THAP2: variants seen among roughly 807,000 people sequenced by gnomAD.
THAP2 encodes THAP domain-containing protein 2.
THAP2 carries 16 observed loss-of-function variants against 18.8 expected under a neutral mutation model. The ratio of observed to expected loss-of-function variants is 0.85; its 90% CI spans 0.58 to 1.29. The LOEUF is 1.29. Among genes scored for constraint, THAP2 ranks in the 50% most tolerant of loss-of-function variants. The pLI, the probability that THAP2 is intolerant of heterozygous loss-of-function variation, is 0.00. For synonymous variants in THAP2, 80 were observed against 89.2 expected, an observed-to-expected ratio of 0.90 and a Z score of 0.58; for missense variants, 251 against 265.3, an observed-to-expected ratio of 0.95 and a Z score of 0.38.
chr12:71,670,597 CTG>C (rs1881420247), intron 1 of THAP2, among the ~76,000 whole-genome samples: 1 of 152,068 alleles, frequency 6.6e-6, no homozygotes, highest in African/African-American at 2.4e-5. Context: ...TATATGTGTT[CTG>C]TACAGTATTC....
At chr12:71,674,741 A>T (rs1881495894) in intron 2 of THAP2, among the ~76,000 whole-genome samples, 1 of 152,164 alleles carries the variant, frequency 6.6e-6, no homozygotes, top group Non-Finnish European at 1.5e-5. Flanking sequence ...TGTGCAAAGT[A>T]CTTTAAGAGC....
At position 71,674,414 on chromosome 12, in the gene THAP2, C is replaced by T; in HGVS notation, c.267+16C>T. 1 of 1,554,972 alleles carries T rather than the reference C, an allele frequency of 6.4e-7. No homozygotes were observed. Among genetic ancestry groups the T allele is most frequent in the Non-Finnish European group, 8.7e-7 (1 of 1,145,360 alleles). ...AAAGTCTATGGTAGGTAATGTTACT[C>T]TCCTTTTGTTAAAACCATTTTTAGA... On this transcript the variant is annotated intron_variant, in intron 2 of 2. Coordinates refer to ENST00000308086, the MANE Select transcript of THAP2 (RefSeq NM_031435.4).
intron 1 of THAP2, among the ~76,000 whole-genome samples, chr12:71,669,356 A>C (rs1340128925): frequency 1.3e-5 from 2 of 152,232 alleles, no homozygotes; most frequent in Non-Finnish European, 2.9e-5. Flanking sequence ...GATTTGATTC[A>C]AGGCATTGAT....
chr12:71,680,017 T>C lies in THAP2; in HGVS notation c.*2909T>C, dbSNP rs999921168. ...ATCCAGCACTGGAGTTCATTTGAAA[T>C]TTGATATTTTGTGTAAAATAACAAA... is the stretch of plus-strand genomic sequence containing the variant. On this transcript the variant is annotated 3_prime_UTR_variant, in exon 3 of 3. Coordinates refer to ENST00000308086, the MANE Select transcript of THAP2 (RefSeq NM_031435.4). 2.0e-5 allele frequency: 3 copies of C among 152,222 alleles called. No individual in the cohort carries two copies. The highest frequency in any genetic ancestry group is 4.8e-5 in the African/African-American group (2 of 41,462). The allele number at this position is 152,222 out of a possible 1,614,324, so 9.4% of individuals were successfully genotyped here.
chr12:71,668,486 A>T (rs1881380493), intron 1 of THAP2, among the ~76,000 whole-genome samples: 1 of 152,198 alleles, frequency 6.6e-6, no homozygotes, highest in South Asian at 2.1e-4. Flanking sequence ...AGACCTAAAA[A>T]GGTTAACTTG....
At chr12:71,672,358 A>T (rs968787911) in intron 1 of THAP2, among the ~76,000 whole-genome samples, 2 of 152,216 alleles carry the variant, frequency 1.3e-5, no homozygotes, top group Non-Finnish European at 2.9e-5. Flanking sequence ...CTCTGATGGC[A>T]TTAAATTTGC....
In THAP2 at chr12:71,677,087, GACCAAGAGT is replaced by G. The variant is rs983255358; in HGVS notation, c.670_678del (p.Lys224_Thr226del). The G allele has an allele frequency of 1.8e-5, 29 of 1,591,754 alleles. No homozygotes were observed. The highest frequency in any genetic ancestry group is 2.3e-5 in the Non-Finnish European group (27 of 1,168,242). On this transcript the variant is annotated inframe_deletion, in exon 3 of 3. Coordinates refer to ENST00000308086, the MANE Select transcript of THAP2 (RefSeq NM_031435.4). ...CACTGCTAAGTCTAAATCTAAAACA[GACCAAGAGT>G]ACCTTCATTTAAATTTAGCTTGCAC...
At chr12:71,671,684 G>A (rs374475045) in intron 1 of THAP2, among the ~76,000 whole-genome samples, 1 of 152,174 alleles carries the variant, frequency 6.6e-6, no homozygotes, top group East Asian at 1.9e-4. Flanking sequence ...ATACTTTCAT[G>A]ATGTTTTCTA....
At chr12:71,676,403 T>A (rs1406400400) in intron 2 of THAP2, among the ~76,000 whole-genome samples, 1 of 152,084 alleles carries the variant, frequency 6.6e-6, no homozygotes, top group African/African-American at 2.4e-5. Context: ...TATAGAGTCA[T>A]AGTCAATAAT....
chr12:71,674,446 T>C, intron 2 of THAP2, 48 bp downstream of exon 2: 1 of 1,511,044 alleles, frequency 6.6e-7, no homozygotes, highest in Non-Finnish European at 8.9e-7. Flanking sequence ...TAGAACTCAT[T>C]CCTTTTTGTT....
intron 2 of THAP2, among the ~76,000 whole-genome samples, chr12:71,675,269 C>T (rs1033090142): frequency 5.3e-5 from 8 of 151,942 alleles, no homozygotes; most frequent in East Asian, 1.9e-4. Context: ...TGAATGGAGA[C>T]GAGGTTGTGG....
In THAP2 at chr12:71,677,342, G is replaced by C; in HGVS notation, c.*234G>C. 3.1e-6 allele frequency: 1 copy of C among 325,660 alleles called. No homozygotes were observed. Among genetic ancestry groups the C allele is most frequent in the Non-Finnish European group, 5.5e-6 (1 of 183,076 alleles). The allele number at this position is 325,660 out of a possible 1,614,324, so 20.2% of individuals were successfully genotyped here. A position where few individuals can be genotyped will look rare whatever the true frequency, so the allele number is the denominator to read the frequency against. On this transcript the variant is annotated 3_prime_UTR_variant, in exon 3 of 3. Transcript: ENST00000308086. ...GACTTAAAAATTTTGCTAATAAATT[G>C]TGTGTTTGAAAGGTGTTTTTTGTTT...
intron 2 of THAP2, 21 bp downstream of exon 2, chr12:71,674,419 T>C: frequency 6.4e-7 from 1 of 1,550,918 alleles, no homozygotes; most frequent in South Asian, 1.2e-5. Context: ...TTACTCTCCT[T>C]TTGTTAAAAC....
rs763097621 is a variant in THAP2 at position 71,676,931 on chromosome 12, G to C, written c.510G>C (p.Thr170=). The change falls in exon 3 of 3, where the codon ACG becomes ACC. Residue 170 remains threonine (T), a synonymous_variant. Transcript: ENST00000308086. ...CAACTCGAAGATGGATCAAAGCCAC[G>C]TGTTTGGTAAAGAATTTAGAAGCAA... ...RRATRRWIKA[T]CLVKNLEANS... 1 of 1,613,786 alleles carries C rather than the reference G, an allele frequency of 6.2e-7. No homozygotes were observed. The highest frequency in any genetic ancestry group is 1.3e-5 in the African/African-American group (1 of 75,038).
intron 1 of THAP2, among the ~76,000 whole-genome samples, chr12:71,670,528 A>C (rs980892197): frequency 6.6e-6 from 1 of 152,212 alleles, no homozygotes; most frequent in South Asian, 2.1e-4. Context: ...TTGATTCCCC[A>C]AAAATTCAAC....
chr12:71,669,300 A>G (rs1173277996), intron 1 of THAP2, among the ~76,000 whole-genome samples: 2 of 152,240 alleles, frequency 1.3e-5, no homozygotes, highest in African/African-American at 4.8e-5. Context: ...CTTCCTTAAT[A>G]AGATAGGATT....
intron 1 of THAP2, among the ~76,000 whole-genome samples, chr12:71,666,722 T>C (rs1266660485): frequency 6.6e-6 from 1 of 152,120 alleles, no homozygotes; most frequent in East Asian, 1.9e-4. Flanking sequence ...GGGACATTAG[T>C]AGACTTTTTT....
chr12:71,676,819 A>C lies in THAP2; in HGVS notation c.398A>C (p.Glu133Ala). ...AGCTATGCCTTTAGGAATCCTATGGAGGCAAAAAAGAGGATCATTAAACTG... is the reference window on the plus strand; with the variant it reads ...AGCTATGCCTTTAGGAATCCTATGGCGGCAAAAAAGAGGATCATTAAACTG... ...EHSYAFRNPM[E>A]AKKRIIKLEK... is the part of the protein sequence containing the mutation. The change falls in exon 3 of 3, where the codon GAG (glutamate) becomes GCG (alanine). Residue 133 changes from glutamate to alanine, a missense_variant. Glu to Ala is a moderately radical substitution (Grantham distance 107). Transcript: ENST00000308086. 1 of 1,613,630 alleles carries C rather than the reference A, an allele frequency of 6.2e-7. No individual in the cohort carries two copies. Among genetic ancestry groups the C allele is most frequent in the South Asian group, 1.1e-5 (1 of 91,062 alleles).
Position 71,676,867 on chromosome 12 carries a change from G to C in THAP2, c.446G>C (p.Arg149Thr). The change falls in exon 3 of 3, where the codon AGA becomes ACA. Residue 149 changes from arginine to threonine, a missense_variant. Coordinates refer to ENST00000308086, the MANE Select transcript of THAP2 (RefSeq NM_031435.4). The part of the protein sequence containing the change: ...IKLEKEIASL[R>T]RKMKTCLQKE... ...CTGGAAAAAGAAATAGCAAGCTTAA[G>C]AAGAAAAATGAAAACTTGCCTACAA... 6.2e-7 allele frequency: 1 copy of C among 1,613,638 alleles called. No individual in the cohort carries two copies. Among genetic ancestry groups the C allele is most frequent in the South Asian group, 1.1e-5 (1 of 91,068 alleles).
Sources: gnomAD v4.1 joint callset for allele counts (sites outside exome capture counted in the v4.1 genomes callset) on GRCh38, gnomAD v4.1.1 for gene constraint, MANE v1.5 for transcripts, NCBI Gene and HGNC (gene_info 2026-07-23, HGNC 2026-07-21) for gene names.